Variants in TBC1D1 observed in about 807,000 individuals in gnomAD.
TBC1D1 encodes TBC1 (tre-2/USP6, BUB2, cdc16) domain family, member 1.
A neutral mutation model predicts 125.6 loss-of-function variants in TBC1D1; 89 were observed. The ratio of observed to expected loss-of-function variants is 0.71; its 90% CI spans 0.60 to 0.85. The LOEUF (loss-of-function observed/expected upper bound fraction) is 0.85. TBC1D1 is among the 40% of genes least tolerant of loss of function. The pLI is 0.00. For synonymous variants in TBC1D1, 565 were observed against 564.1 expected, an observed-to-expected ratio of 1.00 and a Z score of -0.02; for missense variants, 1,377 against 1,469.2, an observed-to-expected ratio of 0.94 and a Z score of 1.03.
In TBC1D1 at chr4:38,006,787, T is replaced by C. The variant is rs528280975; in HGVS notation, c.418-7722T>C. 7 of 501,170 alleles carry C rather than the reference T, an allele frequency of 1.4e-5. No individual in the cohort carries two copies. The East Asian group carries it at 3.4e-4, about 24-fold the overall frequency. The allele number at this position is 501,170 out of a possible 1,614,324, so 31.0% of individuals were successfully genotyped here. A position where few individuals can be genotyped will look rare whatever the true frequency, so the allele number is the denominator to read the frequency against. On this transcript the variant is annotated intron_variant, in intron 2 of 19. Coordinates refer to ENST00000261439, the MANE Select transcript of TBC1D1 (RefSeq NM_015173.4). ...AGCCACTGCGCCTGGCCCAACACTA[T>C]TTCTTTTATGCTGCTCTTTTCCCCT...
intron 2 of TBC1D1, among the ~76,000 whole-genome samples, chr4:37,980,737 C>G (rs539688132): frequency 6.6e-6 from 1 of 152,250 alleles, no homozygotes; most frequent in East Asian, 1.9e-4. Context: ...GAATAAAGTA[C>G]TTAACTGTGT....
intron 8 of TBC1D1, 115 bp from the exon 9 acceptor site, chr4:38,044,247 C>G (rs1578404668): frequency 8.5e-7 from 1 of 1,181,674 alleles, no homozygotes; most frequent in East Asian, 2.5e-5. Flanking sequence ...GGTGAGATCA[C>G]AGACAGGATC....
chr4:38,036,547 C>A (rs1328146509), intron 8 of TBC1D1, among the ~76,000 whole-genome samples: 1 of 152,198 alleles, frequency 6.6e-6, no homozygotes, highest in Non-Finnish European at 1.5e-5. Flanking sequence ...CGTACGTGTT[C>A]CAAAGACACT....
intron 12 of TBC1D1, among the ~76,000 whole-genome samples, chr4:38,088,282 G>A (rs1295907384): frequency 1.3e-5 from 2 of 152,328 alleles, no homozygotes; most frequent in South Asian, 4.1e-4. Context: ...GGGTTTGGGG[G>A]TGAAAGGATT....
intron 17 of TBC1D1, among the ~76,000 whole-genome samples, chr4:38,119,742 G>A (rs630428): frequency 0.27 from 40,981 of 152,146 alleles, 6,013 homozygotes; most frequent in East Asian, 0.36. Flanking sequence ...TCATGAAGAG[G>A]AGTGAGGATG....
At chr4:38,127,786 G>A (rs1764905629) in intron 18 of TBC1D1, among the ~76,000 whole-genome samples, 1 of 152,194 alleles carries the variant, frequency 6.6e-6, no homozygotes, top group South Asian at 2.1e-4. Context: ...GAAAGGCAGG[G>A]TCTGTGGGAG....
intron 16 of TBC1D1, among the ~76,000 whole-genome samples, chr4:38,116,952 A>G (rs1392469900): frequency 9.9e-5 from 15 of 152,250 alleles, no homozygotes; most frequent in Non-Finnish European, 5.9e-5. Flanking sequence ...GAATGCAAAT[A>G]TCATAGAAGG....
chr4:37,931,367 A>C (rs1723221222), intron 2 of TBC1D1, among the ~76,000 whole-genome samples: 1 of 151,960 alleles, frequency 6.6e-6, no homozygotes, highest in African/African-American at 2.4e-5. Flanking sequence ...AAAGTGCTGG[A>C]ATTACAGGTG....
chr4:38,027,419 T>C (rs572009759), intron 6 of TBC1D1, among the ~76,000 whole-genome samples: 1 of 152,286 alleles, frequency 6.6e-6, no homozygotes, highest in East Asian at 1.9e-4. Flanking sequence ...GCTCAAGAGT[T>C]CGAGACCAGC....
At chr4:37,935,544 G>A (rs1400898660) in intron 2 of TBC1D1, among the ~76,000 whole-genome samples, 1 of 151,972 alleles carries the variant, frequency 6.6e-6, no homozygotes. Context: ...CCTACCTCTG[G>A]TAACCCAAGA....
At position 38,021,645 on chromosome 4, in the gene TBC1D1, A is replaced by G. The variant is rs1744058449; in HGVS notation, c.1137A>G (p.Thr379=). 1 of 1,598,268 alleles carries G rather than the reference A, an allele frequency of 6.3e-7. No individual in the cohort carries two copies. The highest frequency in any genetic ancestry group is 8.5e-7 in the Non-Finnish European group (1 of 1,172,940). The stretch of plus-strand genomic sequence containing the variant: ...TCACGGTGGCCGCAGTGCAGCAGAC[A>G]GCTAAGGCGCCAGCCCAGCTGTGTG... Residue 379 remains threonine (T), a synonymous_variant, in exon 6 of 20, where the codon ACA becomes ACG. Coordinates refer to ENST00000261439, the MANE Select transcript of TBC1D1 (RefSeq NM_015173.4).
chr4:37,943,596 T>C (rs1196683755), intron 2 of TBC1D1, among the ~76,000 whole-genome samples: 1 of 152,248 alleles, frequency 6.6e-6, no homozygotes, highest in African/African-American at 2.4e-5. Flanking sequence ...TGATCTTCAA[T>C]CACTGATATC....
At chr4:37,923,829 A>C (rs1250222553) in intron 2 of TBC1D1, among the ~76,000 whole-genome samples, 2 of 151,870 alleles carry the variant, frequency 1.3e-5, no homozygotes, top group African/African-American at 4.8e-5. Flanking sequence ...ACAGGTGTGC[A>C]CCACTATGCC....
chr4:37,922,639 TC>T (rs1721253952), intron 2 of TBC1D1, among the ~76,000 whole-genome samples: 1 of 152,248 alleles, frequency 6.6e-6, no homozygotes, highest in East Asian at 1.9e-4. Flanking sequence ...TTTTTCTGTT[TC>T]TATCTAGCTT....
intron 4 of TBC1D1, among the ~76,000 whole-genome samples, chr4:38,018,762 A>C (rs1743362105): frequency 6.6e-6 from 1 of 152,154 alleles, no homozygotes; most frequent in Non-Finnish European, 1.5e-5. Flanking sequence ...TATTACACAT[A>C]TATATTTACA....
chr4:37,944,029 C>T (rs917173527), intron 2 of TBC1D1, among the ~76,000 whole-genome samples: 1 of 152,184 alleles, frequency 6.6e-6, no homozygotes, highest in Non-Finnish European at 1.5e-5. Flanking sequence ...GATGTCCTTT[C>T]TGTTCATTAG....
chr4:37,989,248 C>T (rs1736063733), intron 2 of TBC1D1, among the ~76,000 whole-genome samples: 1 of 152,174 alleles, frequency 6.6e-6, no homozygotes, highest in Non-Finnish European at 1.5e-5. Flanking sequence ...AGGTTATGAC[C>T]TTGTCTTAAC....
chr4:38,090,186 A>C, intron 13 of TBC1D1, 69 bp downstream of exon 15: 1 of 1,457,370 alleles, frequency 6.9e-7, no homozygotes, highest in South Asian at 1.2e-5. Flanking sequence ...CACATCAGAC[A>C]TAAGCATGCT....
intron 2 of TBC1D1, among the ~76,000 whole-genome samples, chr4:37,945,299 A>G (rs992696423): frequency 6.6e-6 from 1 of 151,798 alleles, no homozygotes; most frequent in African/African-American, 2.4e-5. Context: ...AGATCACCTG[A>G]GGTCAGGAGT....
Sources: gnomAD v4.1 joint callset for allele counts (sites outside exome capture counted in the v4.1 genomes callset) on GRCh38, gnomAD v4.1.1 for gene constraint, MANE v1.5 for transcripts, NCBI Gene and HGNC (gene_info 2026-07-23, HGNC 2026-07-21) for gene names.